The following CDH4 variants were observed in gnomAD, a reference collection of about 807,000 sequenced individuals.
CDH4 encodes the protein cadherin-4.
In CDH4, 33 loss-of-function variants were observed where a neutral mutation model predicts 86.0. The observed-to-expected ratio is 0.38, with a 90% CI of 0.29 to 0.51. CDH4 has a LOEUF of 0.51. Ranked by LOEUF, CDH4 falls within the 20% of genes least tolerant of loss-of-function variation. The pLI, the probability that CDH4 is intolerant of heterozygous loss-of-function variation, is 0.86. For synonymous variants in CDH4, 555 were observed against 549.4 expected (o/e 1.01, Z -0.14); for missense variants, 1,114 against 1,307.4 (o/e 0.85, Z 2.28).
At chr20:61,652,944 T>TA (rs1568735048) in intron 2 of CDH4, among the ~76,000 whole-genome samples, 28 of 112,500 alleles carry the variant, frequency 2.5e-4, no homozygotes, top group African/African-American at 7.4e-4. Context: ...ATTTATTTTT[T>TA]TTTTTTTTTT....
chr20:61,499,891 A>G (rs1446012808), intron 2 of CDH4, among the ~76,000 whole-genome samples: 1 of 152,162 alleles, frequency 6.6e-6, no homozygotes, highest in Non-Finnish European at 1.5e-5. Flanking sequence ...AGATGTGGGC[A>G]TCGATTCTGT....
At chr20:61,414,525 G>A (rs1035425145) in intron 2 of CDH4, among the ~76,000 whole-genome samples, 1 of 152,196 alleles carries the variant, frequency 6.6e-6, no homozygotes, top group Admixed American at 6.5e-5. Context: ...CCAGCTCCCG[G>A]CAAAGCTGAC....
At chr20:61,743,839 C>A in intron 3 of CDH4, 50 bp downstream of exon 3, 1 of 1,361,948 alleles carries the variant, frequency 7.3e-7, no homozygotes. Context: ...GACCTAGTTC[C>A]TCCTGCAGGC....
intron 8 of CDH4, among the ~76,000 whole-genome samples, chr20:61,896,146 G>C (rs751231905): frequency 3.9e-5 from 6 of 152,246 alleles, no homozygotes; most frequent in Non-Finnish European, 7.3e-5. Context: ...TCGGGCACCA[G>C]GGTGAGGCCA....
chr20:61,509,469 T>TGGA (rs898907479), intron 2 of CDH4, among the ~76,000 whole-genome samples: 3 of 148,124 alleles, frequency 2.0e-5, no homozygotes, highest in African/African-American at 7.5e-5. Context: ...CCAGGCTTCC[T>TGGA]GGAGGAGGAG....
intron 2 of CDH4, among the ~76,000 whole-genome samples, chr20:61,565,538 G>T (rs1383131390): frequency 6.6e-6 from 1 of 152,054 alleles, no homozygotes; most frequent in Non-Finnish European, 1.5e-5. Context: ...TGGCATCTAG[G>T]TGTCCCACTT....
intron 7 of CDH4, among the ~76,000 whole-genome samples, chr20:61,890,594 A>T (rs1984778934): frequency 6.7e-6 from 1 of 150,000 alleles, no homozygotes; most frequent in Non-Finnish European, 1.5e-5. Flanking sequence ...ATGGATGGGT[A>T]AATGATGGAT....
At position 61,605,886 on chromosome 20, in the gene CDH4, G is replaced by GA. The variant is rs529210946; in HGVS notation, c.170-137658dup. 7.5e-3 allele frequency among the ~76,000 whole-genome samples: 946 copies of GA among 125,982 alleles called. 8 individuals are homozygous for GA. The highest frequency in any genetic ancestry group is 0.039 in the South Asian group (150 of 3,824). 82.6% of individuals were successfully genotyped at this position (125,982 alleles called of 152,430 possible). On this transcript the variant is annotated intron_variant, in intron 2 of 15. Coordinates refer to ENST00000614565, the MANE Select transcript of CDH4 (RefSeq NM_001794.5). ...CCCAGTAGCGGTCAAGGCTGTGGAG[G>GA]AAAAAAAAAAAAAAAAAAACAGGAA...
intron 2 of CDH4, among the ~76,000 whole-genome samples, chr20:61,576,806 C>T (rs1007729284): frequency 6.6e-6 from 1 of 152,198 alleles, no homozygotes; most frequent in African/African-American, 2.4e-5. Flanking sequence ...GTGGATTTCT[C>T]TGTGGCAAAA....
intron 4 of CDH4, among the ~76,000 whole-genome samples, chr20:61,783,674 T>C (rs1305036579): frequency 3.6e-4 from 45 of 124,006 alleles, no homozygotes; most frequent in African/African-American, 1.3e-3. Flanking sequence ...CTCAGGTGTC[T>C]TGTGCCCCCA....
At chr20:61,554,036 A>G (rs1033469502) in intron 2 of CDH4, among the ~76,000 whole-genome samples, 1 of 152,330 alleles carries the variant, frequency 6.6e-6, no homozygotes, top group East Asian at 1.9e-4. Context: ...GGTTCAGAGC[A>G]GGACTCCCCA....
At chr20:61,771,755 A>G (rs1345547045) in intron 3 of CDH4, among the ~76,000 whole-genome samples, 2 of 152,198 alleles carry the variant, frequency 1.3e-5, no homozygotes, top group African/African-American at 4.8e-5. Context: ...TTTAATGATT[A>G]TAATATTCCA....
chr20:61,595,031 C>G (rs889172517), intron 2 of CDH4, among the ~76,000 whole-genome samples: 1 of 152,220 alleles, frequency 6.6e-6, no homozygotes, highest in African/African-American at 2.4e-5. Flanking sequence ...CATCCGGGCA[C>G]CCTGGTGCTG....
intron 2 of CDH4, among the ~76,000 whole-genome samples, chr20:61,693,068 A>G (rs1244166957): frequency 6.6e-6 from 1 of 152,160 alleles, no homozygotes; most frequent in East Asian, 1.9e-4. Context: ...TTTGGGATCT[A>G]CGGGGACTCT....
In CDH4 at chr20:61,373,337, G is replaced by T. The variant is rs559398720; in HGVS notation, c.169+118400G>T. Among the ~76,000 whole-genome samples, 3 of 152,328 alleles carry T rather than the reference G, an allele frequency of 2.0e-5. No homozygotes were observed. In the South Asian group the frequency reaches 6.2e-4, roughly 32 times the overall value. On this transcript the variant is annotated intron_variant, in intron 2 of 15. Coordinates refer to ENST00000614565, the MANE Select transcript of CDH4 (RefSeq NM_001794.5). ...AGCTCAGGGGAGAGCCAGGGATCCC[G>T]AGCAGGAGGGCTTGCACCCGTTGAA...
intron 2 of CDH4, among the ~76,000 whole-genome samples, chr20:61,721,224 G>C (rs920963639): frequency 6.6e-6 from 1 of 152,222 alleles, no homozygotes; most frequent in Non-Finnish European, 1.5e-5. Flanking sequence ...TTCACTGAGA[G>C]CATGCTTTGC....
chr20:61,332,385 A>G (rs62198855), intron 2 of CDH4, among the ~76,000 whole-genome samples: 31,426 of 152,202 alleles, frequency 0.21, 3,301 homozygotes, highest in African/African-American at 0.25. Context: ...CCCCAGCCTC[A>G]GGGCTGCTGC....
intron 2 of CDH4, among the ~76,000 whole-genome samples, chr20:61,285,898 C>A (rs997682788): frequency 1.3e-5 from 2 of 152,250 alleles, no homozygotes; most frequent in Non-Finnish European, 2.9e-5. Flanking sequence ...GGCACCCACA[C>A]CAACCTCTGG....
chr20:61,479,447 C>A (rs6121615), intron 2 of CDH4, among the ~76,000 whole-genome samples: 2 of 151,564 alleles, frequency 1.3e-5, no homozygotes, highest in Non-Finnish European at 2.9e-5. Context: ...TGAGAACATG[C>A]GGTGTTTGGT....
Sources: gnomAD v4.1 joint callset for allele counts (sites outside exome capture counted in the v4.1 genomes callset) on GRCh38, gnomAD v4.1.1 for gene constraint, MANE v1.5 for transcripts, NCBI Gene and HGNC (gene_info 2026-07-23, HGNC 2026-07-21) for gene names.